CFAP77: variants seen among roughly 807,000 people sequenced by gnomAD.
CFAP77 encodes cilia- and flagella-associated protein 77.
Under a neutral mutation model 31.1 loss-of-function variants are expected in CFAP77, and 25 were observed. That is an observed-to-expected ratio of 0.80 (90% CI 0.59 to 1.12). The LOEUF is 1.12. Ranked by LOEUF, CFAP77 falls within the 50% of genes most tolerant of loss-of-function variation. CFAP77 has a pLI of 0.00. For missense variants in CFAP77, 377 were observed against 397.3 expected (o/e 0.95, Z 0.44); for synonymous variants, 151 against 159.9 (o/e 0.94, Z 0.42).
intron 1 of CFAP77, among the ~76,000 whole-genome samples, chr9:132,451,200 T>C (rs1002245096): frequency 2.6e-5 from 4 of 152,130 alleles, no homozygotes; most frequent in Non-Finnish European, 5.9e-5. Context: ...TAGCCGGGCA[T>C]GGTGGCATGC....
intron 1 of CFAP77, among the ~76,000 whole-genome samples, chr9:132,459,757 T>A (rs111207594): frequency 7.4e-5 from 11 of 148,728 alleles, no homozygotes; most frequent in Non-Finnish European, 1.5e-4. Flanking sequence ...TGTGTGTATG[T>A]GTGTGTATGA....
chr9:132,486,998 C>CG (rs960234016), intron 1 of CFAP77, among the ~76,000 whole-genome samples: 25 of 152,340 alleles, frequency 1.6e-4, no homozygotes, highest in Middle Eastern at 3.4e-3. Context: ...CAGGCAGCCC[C>CG]GGGCCGTGGG....
chr9:132,525,424 A>G (rs893315662), intron 3 of CFAP77, among the ~76,000 whole-genome samples: 22 of 152,350 alleles, frequency 1.4e-4, no homozygotes, highest in African/African-American at 4.6e-4. Context: ...TTACTTTGAG[A>G]TGATTATAAA....
intron 5 of CFAP77, among the ~76,000 whole-genome samples, chr9:132,559,229 C>T (rs1285408962): frequency 1.3e-5 from 2 of 151,002 alleles, no homozygotes; most frequent in East Asian, 3.9e-4. Flanking sequence ...TCTGTAGTCC[C>T]AGCTACTCGG....
rs879087221 is a variant in CFAP77, at chr9:132,482,199, C to A, written c.196-16496C>A. On this transcript the variant is annotated intron_variant, in intron 1 of 5. Transcript: ENST00000393216. ...TCTTTCTTTCTTTCTTTTTTTTTTT[C>A]TTTTCATAGGGAGCCTTTTTCTTAA... 19 of 460,308 alleles carry A rather than the reference C, an allele frequency of 4.1e-5. No homozygotes were observed. Among genetic ancestry groups the A allele is most frequent in the Non-Finnish European group, 6.1e-5 (16 of 262,816 alleles). The allele number at this position is 460,308 out of a possible 1,614,324, so 28.5% of individuals were successfully genotyped here.
chr9:132,532,910 A>C (rs1316100117), intron 3 of CFAP77, among the ~76,000 whole-genome samples: 1 of 152,228 alleles, frequency 6.6e-6, no homozygotes, highest in Non-Finnish European at 1.5e-5. Flanking sequence ...AAAATTAGCC[A>C]GATATGGTGG....
intron 4 of CFAP77, among the ~76,000 whole-genome samples, chr9:132,538,370 C>T (rs1228413493): frequency 6.6e-6 from 1 of 152,202 alleles, no homozygotes. Flanking sequence ...CAAGGATGTC[C>T]AGACACTGCC....
At chr9:132,425,126 T>C (rs972665814) in intron 1 of CFAP77, among the ~76,000 whole-genome samples, 3 of 152,304 alleles carry the variant, frequency 2.0e-5, no homozygotes, top group East Asian at 1.9e-4. Context: ...TTAGATTCGA[T>C]TGAAGATTAT....
In CFAP77 at chr9:132,481,339, CT is replaced by C. The variant is rs1259447927; in HGVS notation, c.196-17354del. 2.0e-5 allele frequency among the ~76,000 whole-genome samples: 3 copies of C among 152,168 alleles called. No homozygotes were observed. Among genetic ancestry groups the C allele is most frequent in the Non-Finnish European group, 4.4e-5 (3 of 68,020 alleles). ...TCTCACAGACATCCCTCCTTGGGGA[CT>C]TCCCCTCTCCTGAAACCCCATCCAA... On this transcript the variant is annotated intron_variant, in intron 1 of 5. Coordinates refer to ENST00000393216, the MANE Select transcript of CFAP77 (RefSeq NM_001282957.2). The surrounding 1 kb of genome is among the most constrained non-coding windows in gnomAD (Gnocchi z 5.0).
Position 132,531,763 on chromosome 9 carries a change from C to A in CFAP77, c.525-5838C>A, listed in dbSNP as rs568613775. ...CCCCAGCAGAAGGGGCACAGCCTGC[C>A]GGTCTCCTTCAGAGAACCCAGGCTG... On this transcript the variant is annotated intron_variant, in intron 3 of 5. Transcript: ENST00000393216. Among the ~76,000 whole-genome samples the A allele has an allele frequency of 2.4e-4, 36 of 152,260 alleles. No homozygotes were observed. The South Asian group carries it at 7.3e-3, about 31-fold the overall frequency.
intron 1 of CFAP77, among the ~76,000 whole-genome samples, chr9:132,423,147 A>G (rs1850251889): frequency 6.6e-6 from 1 of 152,192 alleles, no homozygotes; most frequent in African/African-American, 2.4e-5. Context: ...CAGGGGGCAT[A>G]AATTCGGAGG....
At chr9:132,476,964 G>A (rs1851355572) in intron 1 of CFAP77, among the ~76,000 whole-genome samples, 2 of 152,224 alleles carry the variant, frequency 1.3e-5, no homozygotes, top group South Asian at 4.1e-4. Flanking sequence ...AGAGGCGATG[G>A]TTTGGGGCCA....
At chr9:132,502,016 G>C (rs931476226) in intron 3 of CFAP77, among the ~76,000 whole-genome samples, 3 of 152,180 alleles carry the variant, frequency 2.0e-5, no homozygotes, top group African/African-American at 7.2e-5. Flanking sequence ...CAATATTTGT[G>C]CATTGCACTG....
chr9:132,500,342 A>G (rs1851821062), intron 3 of CFAP77, among the ~76,000 whole-genome samples: 1 of 152,098 alleles, frequency 6.6e-6, no homozygotes, highest in African/African-American at 2.4e-5. Context: ...TAGAATGGAG[A>G]TAACAGTAGC....
In CFAP77 at chr9:132,427,435, C is replaced by T. The variant is rs1240378396; in HGVS notation, c.195+16969C>T. Among the ~76,000 whole-genome samples the T allele has an allele frequency of 3.3e-5, 5 of 152,230 alleles. No individual in the cohort carries two copies. In the East Asian group the frequency reaches 9.7e-4, roughly 29 times the overall value. On this transcript the variant is annotated intron_variant, in intron 1 of 5. Transcript: ENST00000393216. The stretch of plus-strand genomic sequence containing the variant: ...GCTTTGCCCTCTGTATTAGGGCTGC[C>T]TAACGAATGACCACACATCAAGTGG...
At chr9:132,429,624 C>T (rs1460818422) in intron 1 of CFAP77, among the ~76,000 whole-genome samples, 2 of 147,264 alleles carry the variant, frequency 1.4e-5, no homozygotes, top group Non-Finnish European at 1.5e-5. Context: ...GCGGGTGGAT[C>T]ACAAGGTCAG....
intron 3 of CFAP77, among the ~76,000 whole-genome samples, chr9:132,515,054 C>T (rs1477565498): frequency 2.6e-5 from 4 of 152,258 alleles, no homozygotes; most frequent in African/African-American, 4.8e-5. Flanking sequence ...AGAGTTGGGA[C>T]TCTCAAAGGG....
At chr9:132,470,705 C>T (rs992793887) in intron 1 of CFAP77, among the ~76,000 whole-genome samples, 8 of 152,298 alleles carry the variant, frequency 5.3e-5, no homozygotes, top group East Asian at 1.9e-4. Context: ...TTTGTGCGCC[C>T]GTTTAAAAGA....
chr9:132,410,558 G>C (rs1849973646), intron 1 of CFAP77, 92 bp downstream of exon 1: 3 of 1,164,336 alleles, frequency 2.6e-6, no homozygotes, highest in Non-Finnish European at 3.5e-6. Flanking sequence ...CTGGCCCCGC[G>C]GCCCGGGGTC....
Sources: gnomAD v4.1 joint callset for allele counts (sites outside exome capture counted in the v4.1 genomes callset) on GRCh38, gnomAD v4.1.1 for gene constraint, Gnocchi (gnomAD v3.1) non-coding constraint, MANE v1.5 for transcripts, NCBI Gene and HGNC (gene_info 2026-07-23, HGNC 2026-07-21) for gene names.